The following CD28 variants were observed in gnomAD, a reference collection of about 807,000 sequenced individuals.
CD28 encodes T-cell-specific surface glycoprotein CD28.
In CD28, 8 loss-of-function variants were observed where a neutral mutation model predicts 21.4. That is an observed-to-expected ratio of 0.37 (90% CI 0.22 to 0.68). CD28 has a LOEUF of 0.68. Among genes scored for constraint, CD28 ranks in the 30% least tolerant of loss-of-function variants. The pLI is 0.55. For synonymous variants in CD28, 106 were observed against 104.0 expected (o/e 1.02, Z -0.12); for missense variants, 239 against 272.2 (o/e 0.88, Z 0.86).
At chr2:203,717,839 T>G (rs1417555498) in intron 1 of CD28, among the ~76,000 whole-genome samples, 1 of 152,210 alleles carries the variant, frequency 6.6e-6, no homozygotes, top group African/African-American at 2.4e-5. Context: ...GCCCCCTTTT[T>G]CTGTGTGAAG....
At chr2:203,713,007 G>A (rs1693357477) in intron 1 of CD28, among the ~76,000 whole-genome samples, 1 of 152,178 alleles carries the variant, frequency 6.6e-6, no homozygotes, top group Non-Finnish European at 1.5e-5. Flanking sequence ...AAGCTACTAA[G>A]TATGTAAATC....
chr2:203,708,619 A>G (rs968047702), intron 1 of CD28, among the ~76,000 whole-genome samples: 1 of 152,216 alleles, frequency 6.6e-6, no homozygotes, highest in African/African-American at 2.4e-5. Context: ...GACTAGCTAG[A>G]TAAGTGGTTG....
At chr2:203,727,866 A>C (rs1013484245) in intron 2 of CD28, among the ~76,000 whole-genome samples, 1 of 152,098 alleles carries the variant, frequency 6.6e-6, no homozygotes, top group Non-Finnish European at 1.5e-5. Context: ...TTTTTAGTAG[A>C]CAGGGTTTCA....
At chr2:203,711,024 T>C (rs1312964852) in intron 1 of CD28, among the ~76,000 whole-genome samples, 1 of 152,230 alleles carries the variant, frequency 6.6e-6, no homozygotes, top group Non-Finnish European at 1.5e-5. Flanking sequence ...ACTGACTGAA[T>C]GGCTCTCTGG....
At chr2:203,716,772 C>A (rs1364350938) in intron 1 of CD28, among the ~76,000 whole-genome samples, 1 of 152,114 alleles carries the variant, frequency 6.6e-6, no homozygotes, top group Non-Finnish European at 1.5e-5. Flanking sequence ...TGTGTAGGAA[C>A]ACAAATAAAG....
intron 1 of CD28, among the ~76,000 whole-genome samples, chr2:203,711,231 G>A (rs1322406256): frequency 1.3e-5 from 2 of 152,180 alleles, no homozygotes; most frequent in African/African-American, 2.4e-5. Context: ...CCACAGAAAG[G>A]TGGTTGCATG....
intron 3 of CD28, among the ~76,000 whole-genome samples, chr2:203,731,294 C>T (rs1019606200): frequency 2.6e-5 from 4 of 152,248 alleles, no homozygotes; most frequent in African/African-American, 9.6e-5. Flanking sequence ...CTTCATCCAA[C>T]TTACCTTCTA....
At chr2:203,713,280 T>A (rs1408781485) in intron 1 of CD28, among the ~76,000 whole-genome samples, 1 of 152,194 alleles carries the variant, frequency 6.6e-6, no homozygotes, top group African/African-American at 2.4e-5. Flanking sequence ...TTCAGAATCC[T>A]TATCTTTGGA....
chr2:203,715,096 G>A (rs1190896883), intron 1 of CD28, among the ~76,000 whole-genome samples: 10 of 152,078 alleles, frequency 6.6e-5, no homozygotes, highest in Admixed American at 6.6e-4. Flanking sequence ...TTTGAATGAG[G>A]GATCAGGATA....
chr2:203,723,931 T>G (rs1308722583), intron 1 of CD28, among the ~76,000 whole-genome samples: 1 of 152,154 alleles, frequency 6.6e-6, no homozygotes, highest in Non-Finnish European at 1.5e-5. Context: ...CACACAAAAA[T>G]CTGTATGCAA....
intron 1 of CD28, among the ~76,000 whole-genome samples, chr2:203,709,901 A>AC (rs1320229602): frequency 2.6e-5 from 4 of 152,190 alleles, no homozygotes; most frequent in Non-Finnish European, 5.9e-5. Context: ...GGACAAAGCT[A>AC]ATTTCTCCAG....
At chr2:203,726,551 A>T in intron 1 of CD28, 82 bp from the exon 2 acceptor site, 1 of 922,474 alleles carries the variant, frequency 1.1e-6, no homozygotes, top group Non-Finnish European at 1.7e-6. Flanking sequence ...CTGTTCATTT[A>T]GTTAATTAAT....
chr2:203,720,342 G>T (rs1273158844), intron 1 of CD28, among the ~76,000 whole-genome samples: 1 of 152,226 alleles, frequency 6.6e-6, no homozygotes, highest in Non-Finnish European at 1.5e-5. Flanking sequence ...AGAAATGTCA[G>T]TCAGACCAAT....
rs766949965 is a variant in CD28 at position 203,729,707 on chromosome 2, G to A, written c.469G>A (p.Val157Met). The change falls in exon 3 of 4, where the codon GTG becomes ATG. Residue 157 changes from valine (V) to methionine (M), a missense_variant. Physicochemically the swap from Val to Met is conservative, Grantham distance 21. Around this residue, in one of 3 missense-constraint regions of CD28, gnomAD observed 112 missense variants for 112.8 expected, o/e 0.99. Coordinates refer to ENST00000324106, the MANE Select transcript of CD28 (RefSeq NM_006139.4). ...PGPSKPFWVL[V>M]VVGGVLACYS... Reference sequence around the variant, plus strand: ...ACCTTCTAAGCCCTTTTGGGTGCTGGTGGTGGTTGGTGGAGTCCTGGCTTG... The same window carrying A: ...ACCTTCTAAGCCCTTTTGGGTGCTGATGGTGGTTGGTGGAGTCCTGGCTTG... The A allele has an allele frequency of 5.6e-6, 9 of 1,614,084 alleles. No homozygotes were observed. The highest frequency in any genetic ancestry group is 3.3e-5 in the South Asian group (3 of 91,074).
chr2:203,706,995 A>T (rs1363758898), intron 1 of CD28, among the ~76,000 whole-genome samples: 1 of 151,968 alleles, frequency 6.6e-6, no homozygotes. Context: ...ATAGTGTCCC[A>T]AGAATTTATT....
chr2:203,723,515 A>G (rs757119643), intron 1 of CD28, among the ~76,000 whole-genome samples: 1 of 152,052 alleles, frequency 6.6e-6, no homozygotes, highest in African/African-American at 2.4e-5. Flanking sequence ...TAAAAAATGC[A>G]TACAGAACTC....
In CD28 at chr2:203,712,270, C is replaced by A. The variant is rs553934461; in HGVS notation, c.52+5522C>A. Among the ~76,000 whole-genome samples, 3 of 152,216 alleles carry A rather than the reference C, an allele frequency of 2.0e-5. No homozygotes were observed. The South Asian group carries it at 6.2e-4, about 32-fold the overall frequency. On this transcript the variant is annotated intron_variant, in intron 1 of 3. Transcript: ENST00000324106. The stretch of plus-strand genomic sequence containing the variant: ...AAGTAATTAGGTAGTTAACTGAGTT[C>A]TCTCTGCTTTTACAGCCCCTATGAT...
In CD28 at chr2:203,726,620, T is replaced by G. The variant is rs752771399; in HGVS notation, c.53-13T>G. The G allele has an allele frequency of 6.3e-7, 1 of 1,583,878 alleles. No individual in the cohort carries two copies. ...TATTCTTGTTCTAAGCAAATGATTT[T>G]TTTTTCCCCCAGGAAACAAGATTTT... is the stretch of plus-strand genomic sequence containing the variant. On this transcript the variant is annotated splice_polypyrimidine_tract_variant and intron_variant, in intron 1 of 3. Coordinates refer to ENST00000324106, the MANE Select transcript of CD28 (RefSeq NM_006139.4).
chr2:203,713,981 G>C (rs1203539946), intron 1 of CD28, among the ~76,000 whole-genome samples: 1 of 151,636 alleles, frequency 6.6e-6, no homozygotes, highest in Non-Finnish European at 1.5e-5. Flanking sequence ...AAAAAAAGAG[G>C]GTGGGGATAG....
Sources: gnomAD v4.1 joint callset for allele counts (sites outside exome capture counted in the v4.1 genomes callset) on GRCh38, gnomAD v4.1.1 for gene constraint, gnomAD v4.1.1 regional missense constraint, MANE v1.5 for transcripts, NCBI Gene and HGNC (gene_info 2026-07-23, HGNC 2026-07-21) for gene names.